ARHGEF2: variants seen among roughly 807,000 people sequenced by gnomAD.
ARHGEF2 encodes Rho/Rac guanine nucleotide exchange factor 2.
In ARHGEF2, 22 loss-of-function variants were observed where a neutral mutation model predicts 121.0. That is an observed-to-expected ratio of 0.18 (90% CI 0.13 to 0.26). The LOEUF is 0.26. Among genes scored for constraint, ARHGEF2 ranks in the 10% least tolerant of loss-of-function variants. The pLI is 1.00. For missense variants in ARHGEF2, 907 were observed against 1,336.0 expected (o/e 0.68, Z 5.01); for synonymous variants, 487 against 530.0 (o/e 0.92, Z 1.11).
rs748915503 is a variant in ARHGEF2, at chr1:155,965,166, T to G, written c.581-35A>C. On this transcript the variant is annotated intron_variant, in intron 6 of 21. Transcript: ENST00000361247. The surrounding 1 kb of genome is among the most constrained non-coding windows in gnomAD (Gnocchi z 6.0). Reference sequence around the variant, plus strand: ...AGCAGGGCAAGCAACTCAGAGGTCTTGAGTTCCCTTCCCTGGGTCCCTGGC... The same window carrying G: ...AGCAGGGCAAGCAACTCAGAGGTCTGGAGTTCCCTTCCCTGGGTCCCTGGC... The G allele has an allele frequency of 8.7e-6, 14 of 1,611,844 alleles. No individual in the cohort carries two copies. The South Asian group carries it at 1.5e-4, about 18-fold the overall frequency.
chr1:155,961,949 T>TTCAC lies in ARHGEF2; in HGVS notation c.1220-44_1220-41dup, dbSNP rs1391854130. The TTCAC allele has an allele frequency of 6.2e-7, 1 of 1,611,814 alleles. No individual in the cohort carries two copies. The highest frequency in any genetic ancestry group is 2.2e-5 in the East Asian group (1 of 44,818). ...TGGCATGGGGAACGGCTCAACCAGT[T>TTCAC]TCACTCACACCCCAGTTCCCATCGT... On this transcript the variant is annotated intron_variant, in intron 10 of 21. Transcript: ENST00000361247. This position sits in a 1 kb window ranked among gnomAD's most constrained non-coding sequence, Gnocchi z 4.7.
chr1:155,978,597 C>A, upstream of ARHGEF2: 1 of 1,262,750 alleles, frequency 7.9e-7, no homozygotes, highest in Non-Finnish European at 1.0e-6. This position sits in a 1 kb window ranked among gnomAD's most constrained non-coding sequence, Gnocchi z 4.1. Flanking sequence ...TCTCCTCCCC[C>A]GCCCAAGCTC....
chr1:155,970,600 C>T, intron 1 of ARHGEF2: 2 of 985,438 alleles, frequency 2.0e-6, no homozygotes, highest in Non-Finnish European at 2.4e-6. Flanking sequence ...CAGAGGATTA[C>T]AGTTCAGCGG....
At chr1:155,958,766 C>T (rs761245859) in intron 11 of ARHGEF2, among the ~76,000 whole-genome samples, 2 of 151,430 alleles carry the variant, frequency 1.3e-5, no homozygotes, top group African/African-American at 2.4e-5. Flanking sequence ...TTAGTAGAGA[C>T]GGGGTTTCAC....
At chr1:155,966,343 C>T in intron 4 of ARHGEF2, 73 bp downstream of exon 4, 3 of 1,451,424 alleles carry the variant, frequency 2.1e-6, no homozygotes, top group Non-Finnish European at 2.9e-6. Flanking sequence ...CTTAGTGGGG[C>T]AGCAGAGCCC....
In ARHGEF2 at chr1:155,950,757, G is replaced by T; in HGVS notation, c.2703+72C>A. 1 of 1,437,148 alleles carries T rather than the reference G, an allele frequency of 7.0e-7. No homozygotes were observed. The highest frequency in any genetic ancestry group is 9.4e-7 in the Non-Finnish European group (1 of 1,063,188). 89.0% of individuals were successfully genotyped at this position (1,437,148 alleles called of 1,614,324 possible). A position where few individuals can be genotyped will look rare whatever the true frequency, so the allele number is the denominator to read the frequency against. On this transcript the variant is annotated intron_variant, in intron 20 of 21. Transcript: ENST00000361247. This position sits in a 1 kb window ranked among gnomAD's most constrained non-coding sequence, Gnocchi z 5.2. Reference sequence around the variant, plus strand: ...TGCATTTGGGCTCAAATCCCCAATGGCCCAATTTCTTTCGGGCTCCATGGA... The same window carrying T: ...TGCATTTGGGCTCAAATCCCCAATGTCCCAATTTCTTTCGGGCTCCATGGA...
rs750433992 is a variant in ARHGEF2, at chr1:155,963,064, A to G, written c.844T>C (p.Cys282Arg). 1.9e-6 allele frequency: 3 copies of G among 1,614,158 alleles called. No homozygotes were observed. The highest frequency in any genetic ancestry group is 2.2e-5 in the East Asian group (1 of 44,880). The change falls in exon 8 of 22, where the codon TGC (cysteine) becomes CGC (arginine). Residue 282 changes from cysteine to arginine, a missense_variant. Cys to Arg is a radical substitution (Grantham distance 180). Around this residue, in one of 2 missense-constraint regions of ARHGEF2, gnomAD observed 475 missense variants for 776.5 expected, o/e 0.61. Transcript: ENST00000361247. ...EPGVVQGLFP[C>R]VDELSDIHTR... ...TGGATGTCACTGAGCTCGTCCACGCAGGGGAACAGGCCCTGGACCACTCCT... is the reference window on the plus strand; with the variant it reads ...TGGATGTCACTGAGCTCGTCCACGCGGGGGAACAGGCCCTGGACCACTCCT...
At chr1:155,971,579 C>CAAAAAA (rs55942349) in intron 1 of ARHGEF2, among the ~76,000 whole-genome samples, 8 of 92,548 alleles carry the variant, frequency 8.6e-5, no homozygotes, top group Admixed American at 2.6e-4. Flanking sequence ...GACTATGTCT[C>CAAAAAA]AAAAAAAAAA....
Position 155,978,027 on chromosome 1 carries a change from C to T in ARHGEF2, c.63+338G>A. The stretch of plus-strand genomic sequence containing the variant: ...TGCCGGAGCTTCCACCGCCCCCACC[C>T]GCGAGACACACACCTCCCTCTTCCC... On this transcript the variant is annotated intron_variant, in intron 1 of 21. Transcript: ENST00000361247. This position sits in a 1 kb window ranked among gnomAD's most constrained non-coding sequence, Gnocchi z 4.1. 1 of 1,040,816 alleles carries T rather than the reference C, an allele frequency of 9.6e-7. No homozygotes were observed. Among genetic ancestry groups the T allele is most frequent in the East Asian group, 6.3e-5 (1 of 15,778 alleles). The allele number at this position is 1,040,816 out of a possible 1,614,324, so 64.5% of individuals were successfully genotyped here. A position where few individuals can be genotyped will look rare whatever the true frequency, so the allele number is the denominator to read the frequency against.
At chr1:155,957,402 C>G (rs12138833) in intron 13 of ARHGEF2, among the ~76,000 whole-genome samples, 123,634 of 152,260 alleles carry the variant, frequency 0.81, 52,362 homozygotes, top group East Asian at 0.94. Context: ...TACAGATGAA[C>G]ATGTGAATGC....
In ARHGEF2 at chr1:155,957,877, C is replaced by T; in HGVS notation, c.1551G>A (p.Lys517=). 6.2e-7 allele frequency: 1 copy of T among 1,613,260 alleles called. No homozygotes were observed. The highest frequency in any genetic ancestry group is 1.3e-5 in the African/African-American group (1 of 75,028). ...DQKYIFPTLD[K]PSVVSLQNLI... ...GATTCTGCAGCGATACCACTGAAGG[C>T]TTGTCCTGCCAGTCAGGGGAAAGGA... The change falls in exon 13 of 22, where the codon AAG becomes AAA. Residue 517 remains lysine (K), a synonymous_variant. Transcript: ENST00000361247.
rs536791237 is a variant in ARHGEF2 at position 155,957,484 on chromosome 1, C to T, written c.1715+229G>A. Among the ~76,000 whole-genome samples the T allele has an allele frequency of 3.3e-5, 5 of 152,364 alleles. No individual in the cohort carries two copies. The East Asian group carries it at 5.8e-4, about 18-fold the overall frequency. ...CTCAAAGTATTCCCTTGCTTGTCAG[C>T]TCATGCTGAATTTGAAAGGGAGTTG... On this transcript the variant is annotated intron_variant, in intron 13 of 21. Coordinates refer to ENST00000361247, the MANE Select transcript of ARHGEF2 (RefSeq NM_001162383.2).
Position 155,966,469 on chromosome 1 carries a change from G to T in ARHGEF2, c.287C>A (p.Ala96Glu). ...CTKVKQKQQK[A>E]ALLKNNTALQ... is the part of the protein sequence containing the mutation. The stretch of plus-strand genomic sequence containing the variant: ...GGCGGTGTTGTTCTTCAGCAGGGCC[G>T]CTTTCTGTTGCTGTGAGACAGAGAG... Residue 96 changes from alanine to glutamate, a missense_variant, in exon 4 of 22, where the codon GCG becomes GAG. Around this residue, in one of 2 missense-constraint regions of ARHGEF2, gnomAD observed 475 missense variants for 776.5 expected, o/e 0.61. Coordinates refer to ENST00000361247, the MANE Select transcript of ARHGEF2 (RefSeq NM_001162383.2). 1.2e-6 allele frequency: 2 copies of T among 1,614,096 alleles called. No individual in the cohort carries two copies. Among genetic ancestry groups the T allele is most frequent in the Non-Finnish European group, 1.7e-6 (2 of 1,179,956 alleles).
chr1:155,951,667 C>A lies in ARHGEF2; in HGVS notation c.2208+74G>T, dbSNP rs1675485177. On this transcript the variant is annotated intron_variant, in intron 18 of 21. Transcript: ENST00000361247. This position sits in a 1 kb window ranked among gnomAD's most constrained non-coding sequence, Gnocchi z 5.1. ...ATGTAGACGCTTTCCCCACCCCACT[C>A]CAAACTGGGCTCTAACTACTCAGAC... 7 of 1,610,850 alleles carry A rather than the reference C, an allele frequency of 4.3e-6. No individual in the cohort carries two copies. The highest frequency in any genetic ancestry group is 1.7e-4 in the Middle Eastern group (1 of 6,060).
Position 155,952,880 on chromosome 1 carries a change from G to A in ARHGEF2, c.1784-52C>T, listed in dbSNP as rs1207600648. On this transcript the variant is annotated intron_variant, in intron 14 of 21. Transcript: ENST00000361247. ...TGAGAGGACGTAGGGGTATGCAAGA[G>A]CGCCAGTAGAGGACAGCCCTAGGGG... The A allele has an allele frequency of 2.5e-6, 4 of 1,586,496 alleles. No individual in the cohort carries two copies. In the African/African-American group the frequency reaches 4.0e-5, roughly 16 times the overall value.
intron 11 of ARHGEF2, among the ~76,000 whole-genome samples, chr1:155,958,860 T>C (rs1002594427): frequency 7.2e-6 from 1 of 138,852 alleles, no homozygotes; most frequent in African/African-American, 2.7e-5. Context: ...ATTACAGATA[T>C]GAGCCACCGC....
chr1:155,958,678 C>A (rs999163546), intron 11 of ARHGEF2, among the ~76,000 whole-genome samples: 14 of 150,596 alleles, frequency 9.3e-5, no homozygotes, highest in African/African-American at 3.4e-4. Flanking sequence ...CGGGTTCAAG[C>A]GATTCTCCTA....
intron 21 of ARHGEF2, among the ~76,000 whole-genome samples, chr1:155,949,397 T>C (rs1363469768): frequency 6.6e-6 from 1 of 151,926 alleles, no homozygotes; most frequent in Non-Finnish European, 1.5e-5. Context: ...CTGGGCAACA[T>C]GGTGAAACCC....
In ARHGEF2 at chr1:155,965,323, A is replaced by T; in HGVS notation, c.560T>A (p.Val187Glu). The change falls in exon 6 of 22, where the codon GTG becomes GAG. Residue 187 changes from valine to glutamate, a missense_variant. Val to Glu is a moderately radical substitution (Grantham distance 121). Around this residue, in one of 2 missense-constraint regions of ARHGEF2, gnomAD observed 475 missense variants for 776.5 expected, o/e 0.61. Transcript: ENST00000361247. The surrounding 1 kb of genome is among the most constrained non-coding windows in gnomAD (Gnocchi z 6.0). Reference protein sequence around the residue: ...SLNMRNRTLSVESLIDEAEVI... With the variant: ...SLNMRNRTLSEESLIDEAEVI... ...CTCACCTTCGTCAATGAGGGATTCC[A>T]CGGATAGGGTTCGGTTCCGCATGTT... The T allele has an allele frequency of 6.2e-7, 1 of 1,614,000 alleles. No homozygotes were observed. Among genetic ancestry groups the T allele is most frequent in the South Asian group, 1.1e-5 (1 of 91,074 alleles).
Sources: allele counts gnomAD v4.1 joint callset (sites outside exome capture counted in the v4.1 genomes callset), GRCh38; gene constraint gnomAD v4.1.1; regional missense constraint gnomAD v4.1.1; non-coding constraint Gnocchi (gnomAD v3.1); transcripts MANE v1.5; gene names NCBI Gene and HGNC (gene_info 2026-07-23, HGNC 2026-07-21).